The following RNASEH2B variants were observed in gnomAD, a reference collection of about 807,000 sequenced individuals.
RNASEH2B encodes Aicardi-Goutieres syndrome 2 protein.
Under a neutral mutation model 45.0 loss-of-function variants are expected in RNASEH2B, and 36 were observed. The observed-to-expected ratio is 0.80, with a 90% CI of 0.61 to 1.06. The LOEUF (loss-of-function observed/expected upper bound fraction) is 1.06, where lower values mean the gene tolerates loss of function less well. Ranked by LOEUF, RNASEH2B falls within the 50% of genes least tolerant of loss-of-function variation. The probability of loss-of-function intolerance (pLI) is 0.00; values close to 1 mark genes in which losing one functional copy is unlikely to be tolerated. For missense variants in RNASEH2B, 361 were observed against 360.3 expected (o/e 1.00, Z -0.02); for synonymous variants, 119 against 125.7 (o/e 0.95, Z 0.35).
intron 5 of RNASEH2B, chr13:50,941,520 G>C (rs1951833095): frequency 6.6e-6 from 1 of 152,236 alleles, no homozygotes; most frequent in African/African-American, 2.4e-5. Flanking sequence ...AAAGAAGTGA[G>C]ATGCCAGATC....
In RNASEH2B at chr13:50,965,826, G is replaced by A. The variant is rs7989476; in HGVS notation, c.742-4106G>A. Reference sequence around the variant, plus strand: ...ACTGCACTTACTGGAGTCATTTTACGTAGCATTTAGAGATTATTTATATTA... The same window carrying A: ...ACTGCACTTACTGGAGTCATTTTACATAGCATTTAGAGATTATTTATATTA... On this transcript the variant is annotated intron_variant, in intron 9 of 9. Transcript: ENST00000422660. 4.6e-3 allele frequency among the ~76,000 whole-genome samples: 695 copies of A among 152,264 alleles called. 7 individuals are homozygous for A. Among genetic ancestry groups the A allele is most frequent in the African/African-American group, 0.015 (614 of 41,548 alleles).
chr13:50,951,886 T>G (rs766591750), intron 9 of RNASEH2B: 6 of 152,236 alleles, frequency 3.9e-5, no homozygotes, highest in Non-Finnish European at 5.9e-5. Context: ...TGTTTTGTTG[T>G]GAGCTATTAA....
rs143278954 is a variant in RNASEH2B at position 50,954,413 on chromosome 13, A to G, written c.822+428A>G. 320 of 268,204 alleles carry G rather than the reference A, an allele frequency of 1.2e-3. 2 individuals are homozygous for G. Among genetic ancestry groups the G allele is most frequent in the African/African-American group, 6.2e-3 (283 of 45,298 alleles). 16.6% of individuals were successfully genotyped at this position (268,204 alleles called of 1,614,324 possible). A position where few individuals can be genotyped will look rare whatever the true frequency, so the allele number is the denominator to read the frequency against. On this transcript the variant is annotated intron_variant, in intron 10 of 10. Transcript: ENST00000336617. Reference sequence around the variant, plus strand: ...TACTTAGTTTTATACATGCATTATAAATACATATGTGGCCTTTAACATTGG... The same window carrying G: ...TACTTAGTTTTATACATGCATTATAGATACATATGTGGCCTTTAACATTGG...
At chr13:50,922,098 T>C (rs1054042089) in intron 1 of RNASEH2B, among the ~76,000 whole-genome samples, 15 of 152,226 alleles carry the variant, frequency 9.9e-5, no homozygotes, top group Non-Finnish European at 1.8e-4. Context: ...TTATTTGACC[T>C]ACCTTGGAGC....
chr13:50,952,365 C>CA (rs1951986447), intron 9 of RNASEH2B: 5 of 152,106 alleles, frequency 3.3e-5, no homozygotes, highest in Admixed American at 3.3e-4. Flanking sequence ...AAATGTGCAT[C>CA]ACCTAAACAC....
At chr13:50,968,558 AC>A (rs1380784011) in intron 9 of RNASEH2B, among the ~76,000 whole-genome samples, 1 of 152,142 alleles carries the variant, frequency 6.6e-6, no homozygotes, top group Non-Finnish European at 1.5e-5. Context: ...CCTTTTGTTT[AC>A]CCAAGGTTCC....
intron 9 of RNASEH2B, chr13:50,951,139 A>G (rs887489373): frequency 3.9e-5 from 6 of 152,212 alleles, no homozygotes; most frequent in African/African-American, 4.8e-5. Context: ...GCTCTTCCTA[A>G]ACCCCAGCCT....
chr13:50,953,714 G>A (rs1373839643), intron 9 of RNASEH2B, 191 bp from the exon 10 acceptor site: 2 of 610,848 alleles, frequency 3.3e-6, no homozygotes, highest in Admixed American at 5.6e-5. Flanking sequence ...CTTCTTAGGA[G>A]TGATGTGTGG....
At chr13:50,919,502 T>C (rs992315160) in intron 1 of RNASEH2B, among the ~76,000 whole-genome samples, 2 of 152,202 alleles carry the variant, frequency 1.3e-5, no homozygotes, top group African/African-American at 4.8e-5. Flanking sequence ...ACTGGCTGGA[T>C]TGCAATAGCT....
chr13:50,942,468 A>AT (rs1016025903), intron 5 of RNASEH2B: 24 of 152,040 alleles, frequency 1.6e-4, no homozygotes, highest in African/African-American at 5.8e-4. Flanking sequence ...AGTTAACAAG[A>AT]TTTTTTTCCT....
intron 4 of RNASEH2B, among the ~76,000 whole-genome samples, chr13:50,932,109 G>A (rs1353717901): frequency 6.6e-6 from 1 of 151,968 alleles, no homozygotes; most frequent in East Asian, 1.9e-4. Flanking sequence ...TTTTATTATT[G>A]GCCGCAAATA....
intron 4 of RNASEH2B, 49 bp downstream of exon 4, chr13:50,930,808 T>G (rs770186213): frequency 5.8e-6 from 8 of 1,387,374 alleles, no homozygotes; most frequent in Non-Finnish European, 8.2e-6. Context: ...GAATCAACTA[T>G]TTTTGTTTGA....
At chr13:50,952,443 C>T (rs911400801) in intron 9 of RNASEH2B, 1 of 152,014 alleles carries the variant, frequency 6.6e-6, no homozygotes, top group Non-Finnish European at 1.5e-5. Context: ...GCCGTGTCAT[C>T]TAGGCTGGAG....
intron 1 of RNASEH2B, chr13:50,921,055 G>A (rs1053916852): frequency 2.0e-5 from 3 of 152,122 alleles, no homozygotes; most frequent in South Asian, 2.1e-4. Flanking sequence ...CTTTTTCCAC[G>A]TAGTTGAGGG....
At chr13:50,911,426 G>A (rs1206916205) in intron 1 of RNASEH2B, 3 of 152,242 alleles carry the variant, frequency 2.0e-5, no homozygotes, top group African/African-American at 7.2e-5. Context: ...TTTCCAGTTT[G>A]CAACTATTAC....
intron 1 of RNASEH2B, among the ~76,000 whole-genome samples, chr13:50,925,684 T>A (rs1951585763): frequency 6.6e-6 from 1 of 152,232 alleles, no homozygotes; most frequent in African/African-American, 2.4e-5. Flanking sequence ...TATGAGGTAC[T>A]GCTCCCTCGA....
At chr13:50,964,881 G>T (rs1219524364) in intron 9 of RNASEH2B, among the ~76,000 whole-genome samples, 1 of 151,870 alleles carries the variant, frequency 6.6e-6, no homozygotes, top group Admixed American at 6.6e-5. Context: ...GCTCCATCTT[G>T]TTATTATCAC....
At chr13:50,928,624 A>G (rs1951633034) in intron 2 of RNASEH2B, 3 of 152,200 alleles carry the variant, frequency 2.0e-5, no homozygotes, top group Admixed American at 1.3e-4. Context: ...AAAGGCTAAC[A>G]TTTGCTGAGT....
At chr13:50,947,465 CTATATA>C (rs1258103758) in intron 7 of RNASEH2B, among the ~76,000 whole-genome samples, 1 of 148,040 alleles carries the variant, frequency 6.8e-6, no homozygotes, top group Non-Finnish European at 1.5e-5. Flanking sequence ...ATGTATAGAA[CTATATA>C]TATATATTTC....
Sources: allele counts gnomAD v4.1 joint callset (sites outside exome capture counted in the v4.1 genomes callset), GRCh38; gene constraint gnomAD v4.1.1; transcripts MANE v1.5; gene names NCBI Gene and HGNC (gene_info 2026-07-23, HGNC 2026-07-21).